Variants in RSBN1 observed in about 807,000 individuals in gnomAD.
The protein encoded by RSBN1 is round spermatid basic protein 1, also known as lysine-specific demethylase 9.
A neutral mutation model predicts 74.8 loss-of-function variants in RSBN1; 23 were observed. The observed-to-expected ratio is 0.31, with a 90% CI of 0.22 to 0.44. RSBN1 has a LOEUF of 0.44. Among genes scored for constraint, RSBN1 ranks in the 20% least tolerant of loss-of-function variants. RSBN1 has a pLI of 1.00. For missense variants in RSBN1, 808 were observed against 1,020.9 expected (o/e 0.79, Z 2.84); for synonymous variants, 407 against 379.6 (o/e 1.07, Z -0.84).
chr1:113,778,963 TTCTTA>T (rs1363205910), intron 2 of RSBN1, among the ~76,000 whole-genome samples: 1 of 152,246 alleles, frequency 6.6e-6, no homozygotes, highest in African/African-American at 2.4e-5. Flanking sequence ...TTCATGTATG[TTCTTA>T]TCTTATGTAA....
At position 113,765,434 on chromosome 1, in the gene RSBN1, A is replaced by C. The variant is rs1659760583; in HGVS notation, c.*546T>G. 6.5e-6 allele frequency: 1 copy of C among 152,846 alleles called. No homozygotes were observed. The highest frequency in any genetic ancestry group is 1.5e-5 in the Non-Finnish European group (1 of 68,208). The allele number at this position is 152,846 out of a possible 1,614,324, so 9.5% of individuals were successfully genotyped here. A position where few individuals can be genotyped will look rare whatever the true frequency, so the allele number is the denominator to read the frequency against. On this transcript the variant is annotated 3_prime_UTR_variant, in exon 7 of 7. Coordinates refer to ENST00000261441, the MANE Select transcript of RSBN1 (RefSeq NM_018364.5). ...TTTCTCTTTTGTTAAGAAACCAGAGAGCCACTGAAATTTCCTTGGAAACTA... is the reference window on the plus strand; with the variant it reads ...TTTCTCTTTTGTTAAGAAACCAGAGCGCCACTGAAATTTCCTTGGAAACTA...
rs377649194 is a variant in RSBN1, at chr1:113,811,672, G to A, written c.703+38C>T. 10 of 1,541,742 alleles carry A rather than the reference G, an allele frequency of 6.5e-6. No homozygotes were observed. The African/African-American group carries it at 1.2e-4, about 19-fold the overall frequency. On this transcript the variant is annotated intron_variant, in intron 1 of 6. Coordinates refer to ENST00000261441, the MANE Select transcript of RSBN1 (RefSeq NM_018364.5). ...GATGCGGGATATCGGAACTGAGAGAGACCTAGAACCCAAGCCGGGCAGTTT... is the reference window on the plus strand; with the variant it reads ...GATGCGGGATATCGGAACTGAGAGAAACCTAGAACCCAAGCCGGGCAGTTT...
chr1:113,767,011 T>A, intron 6 of RSBN1, 88 bp downstream of exon 6: 335 of 545,836 alleles, frequency 6.1e-4, no homozygotes, highest in East Asian at 9.6e-4. Context: ...CTATCCCACA[T>A]ATCAGACTGT....
chr1:113,787,649 G>A (rs1015253732), intron 2 of RSBN1, among the ~76,000 whole-genome samples: 2 of 152,190 alleles, frequency 1.3e-5, no homozygotes, highest in Admixed American at 1.3e-4. Context: ...AGGGAATTAA[G>A]CAAAATCCCA....
At chr1:113,781,084 C>A (rs958630272) in intron 2 of RSBN1, among the ~76,000 whole-genome samples, 6 of 152,142 alleles carry the variant, frequency 3.9e-5, no homozygotes, top group African/African-American at 1.4e-4. Context: ...TGCCTGCAAA[C>A]CCCAGGCCTG....
At chr1:113,797,192 C>T (rs555155664) in intron 2 of RSBN1, among the ~76,000 whole-genome samples, 171 bp downstream of exon 2, 12 of 152,056 alleles carry the variant, frequency 7.9e-5, no homozygotes, top group Admixed American at 3.9e-4. Context: ...AAGCCCCACC[C>T]GAACTCAGTA....
At chr1:113,798,232 G>A (rs1660512420) in intron 1 of RSBN1, among the ~76,000 whole-genome samples, 196 bp from the exon 2 acceptor site, 1 of 152,026 alleles carries the variant, frequency 6.6e-6, no homozygotes, top group African/African-American at 2.4e-5. Context: ...GAATAAAATT[G>A]AAGGTATCCA....
rs1659733527 is a variant in RSBN1 at position 113,763,905 on chromosome 1, G to C, written c.*2075C>G. 1 of 152,414 alleles carries C rather than the reference G, an allele frequency of 6.6e-6. No individual in the cohort carries two copies. The highest frequency in any genetic ancestry group is 2.4e-5 in the African/African-American group (1 of 41,334). 9.4% of individuals were successfully genotyped at this position (152,414 alleles called of 1,614,324 possible). On this transcript the variant is annotated 3_prime_UTR_variant, in exon 7 of 7. Coordinates refer to ENST00000261441, the MANE Select transcript of RSBN1 (RefSeq NM_018364.5). The stretch of plus-strand genomic sequence containing the variant: ...GGCATCTGCTGGATGGCAAGTGGGA[G>C]ATGGGGAAATCGGATCTTGGAAGAC...
chr1:113,808,123 C>T lies in RSBN1; in HGVS notation c.703+3587G>A, dbSNP rs185888917. Among the ~76,000 whole-genome samples, 343 of 152,010 alleles carry T rather than the reference C, an allele frequency of 2.3e-3. 4 individuals are homozygous for T. The highest frequency in any genetic ancestry group is 7.9e-3 in the African/African-American group (328 of 41,368). ...CTTTGGCAGTATCTTAAAAAACAAA[C>T]AAACAAAATAAATATATATAGTCAT... On this transcript the variant is annotated intron_variant, in intron 1 of 6. Transcript: ENST00000261441.
intron 1 of RSBN1, among the ~76,000 whole-genome samples, chr1:113,805,433 C>T (rs1660682292): frequency 6.6e-6 from 1 of 152,144 alleles, no homozygotes; most frequent in South Asian, 2.1e-4. Context: ...GATTTCAAAA[C>T]ACATAGGTAA....
At chr1:113,799,290 G>A (rs1018761205) in intron 1 of RSBN1, among the ~76,000 whole-genome samples, 8 of 152,092 alleles carry the variant, frequency 5.3e-5, no homozygotes, top group African/African-American at 1.9e-4. Flanking sequence ...CTATACTCCT[G>A]CCTCTACCTC....
At chr1:113,795,410 G>A (rs952324395) in intron 2 of RSBN1, among the ~76,000 whole-genome samples, 6 of 152,164 alleles carry the variant, frequency 3.9e-5, no homozygotes, top group African/African-American at 1.2e-4. Context: ...CATGAAGTGC[G>A]AAATCAATTT....
chr1:113,791,882 T>C (rs905075493), intron 2 of RSBN1, among the ~76,000 whole-genome samples: 1 of 152,334 alleles, frequency 6.6e-6, no homozygotes, highest in South Asian at 2.1e-4. Context: ...CTAGTTCTAT[T>C]CTTATTAGTA....
At chr1:113,810,286 T>C (rs1290463932) in intron 1 of RSBN1, among the ~76,000 whole-genome samples, 2 of 152,142 alleles carry the variant, frequency 1.3e-5, no homozygotes. Context: ...GTGATTTGAT[T>C]GAACAGGCCT....
intron 4 of RSBN1, among the ~76,000 whole-genome samples, chr1:113,773,262 C>T (rs113235648): frequency 3.0e-3 from 450 of 152,350 alleles, no homozygotes; most frequent in African/African-American, 0.01. Context: ...TGGTGGCTCA[C>T]GCCTGAAATC....
At chr1:113,771,467 T>C (rs1659883286) in intron 4 of RSBN1, among the ~76,000 whole-genome samples, 1 of 151,844 alleles carries the variant, frequency 6.6e-6, no homozygotes, top group African/African-American at 2.4e-5. Context: ...ATAAGCCTTC[T>C]ATAGGCAGAA....
At position 113,812,149 on chromosome 1, in the gene RSBN1, C is replaced by A. The variant is rs1660879068; in HGVS notation, c.264G>T (p.Gln88His). The stretch of plus-strand genomic sequence containing the variant: ...GAGACCCCCCACTGCTAGATCGGCG[C>A]TGCCGTTTAACTCCCCGCGGGGAGA... The part of the protein sequence containing the change: ...AGVSPRGVKR[Q>H]RRSSSGGSQE... The change falls in exon 1 of 7, where the codon CAG becomes CAT. Residue 88 changes from glutamine to histidine, a missense_variant. Coordinates refer to ENST00000261441, the MANE Select transcript of RSBN1 (RefSeq NM_018364.5). 5 of 1,609,992 alleles carry A rather than the reference C, an allele frequency of 3.1e-6. No homozygotes were observed. The highest frequency in any genetic ancestry group is 4.2e-6 in the Non-Finnish European group (5 of 1,179,844).
Position 113,777,287 on chromosome 1 carries a change from C to A in RSBN1, c.1581G>T (p.Gly527=), listed in dbSNP as rs772726004. The A allele has an allele frequency of 1.9e-6, 3 of 1,613,054 alleles. No individual in the cohort carries two copies. Among genetic ancestry groups the A allele is most frequent in the East Asian group, 2.2e-5 (1 of 44,818 alleles). ...CTCCTGGCCTTACCCACATTATAGG[C>A]CCATCATCACTCTGGGACCTACACT... The part of the protein sequence containing the change: ...RLQCRSQSDD[G]PIMWVRPGEQ... Residue 527 remains glycine, a synonymous_variant, in exon 4 of 7, where the codon GGG becomes GGT. Transcript: ENST00000261441.
At chr1:113,773,636 A>G (rs1659923130) in intron 4 of RSBN1, among the ~76,000 whole-genome samples, 1 of 152,246 alleles carries the variant, frequency 6.6e-6, no homozygotes, top group South Asian at 2.1e-4. Context: ...ATGAGTGGGT[A>G]TATAAATTGG....
Sources: allele counts gnomAD v4.1 joint callset (sites outside exome capture counted in the v4.1 genomes callset), GRCh38; gene constraint gnomAD v4.1.1; transcripts MANE v1.5; gene names NCBI Gene and HGNC (gene_info 2026-07-23, HGNC 2026-07-21).